Variants in MCTP2 observed in about 807,000 individuals in gnomAD.
MCTP2 encodes multiple C2 and transmembrane domain-containing protein 2.
Under a neutral mutation model 111.6 loss-of-function variants are expected in MCTP2, and 132 were observed. That is an observed-to-expected ratio of 1.18 (90% CI 1.03 to 1.37). The LOEUF (loss-of-function observed/expected upper bound fraction) is 1.37. Ranked by LOEUF, MCTP2 falls within the 40% of genes most tolerant of loss-of-function variation. The pLI, the probability that MCTP2 is intolerant of heterozygous loss-of-function variation, is 0.00. For missense variants in MCTP2, 1,183 were observed against 1,067.9 expected (o/e 1.11, Z -1.50); for synonymous variants, 395 against 387.7 (o/e 1.02, Z -0.22).
Position 94,483,495 on chromosome 15 carries a change from G to A in MCTP2, c.*4461G>A, listed in dbSNP as rs1596897800. 1 of 152,186 alleles carries A rather than the reference G, an allele frequency of 6.6e-6. No individual in the cohort carries two copies. Among genetic ancestry groups the A allele is most frequent in the African/African-American group, 2.4e-5 (1 of 41,448 alleles). 9.4% of individuals were successfully genotyped at this position (152,186 alleles called of 1,614,324 possible). A position where few individuals can be genotyped will look rare whatever the true frequency, so the allele number is the denominator to read the frequency against. On this transcript the variant is annotated 3_prime_UTR_variant, in exon 23 of 23. Coordinates refer to ENST00000357742, the MANE Select transcript of MCTP2 (RefSeq NM_001385001.1). ...TAGAATGGATAAAGAAAATGTGGTAGAGGTACACCATGGAATACTATGCAG... is the reference window on the plus strand; with the variant it reads ...TAGAATGGATAAAGAAAATGTGGTAAAGGTACACCATGGAATACTATGCAG...
intron 19 of MCTP2, among the ~76,000 whole-genome samples, chr15:94,452,251 C>T (rs543804394): frequency 6.6e-6 from 1 of 152,080 alleles, no homozygotes; most frequent in Non-Finnish European, 1.5e-5. Context: ...GAGAAAAGAC[C>T]CATAAAATCA....
chr15:94,315,710 A>C lies in MCTP2; in HGVS notation c.637+73A>C, dbSNP rs2076349703. The C allele has an allele frequency of 7.2e-6, 8 of 1,105,204 alleles. No individual in the cohort carries two copies. In the African/African-American group the frequency reaches 1.1e-4, roughly 15 times the overall value. 68.5% of individuals were successfully genotyped at this position (1,105,204 alleles called of 1,614,324 possible). On this transcript the variant is annotated intron_variant, in intron 4 of 22. Transcript: ENST00000357742. Reference sequence around the variant, plus strand: ...TCTCTGTCCTTGTATCAATATTGTCAGTCAGGCTTTGACATCACAGCATGG... The same window carrying C: ...TCTCTGTCCTTGTATCAATATTGTCCGTCAGGCTTTGACATCACAGCATGG...
chr15:94,314,736 A>G (rs1424440272), intron 3 of MCTP2: 1 of 463,724 alleles, frequency 2.2e-6, no homozygotes, highest in Admixed American at 2.3e-5. Context: ...GGACAGTCAA[A>G]AGTTTGAAAT....
intron 12 of MCTP2, among the ~76,000 whole-genome samples, chr15:94,371,062 G>A (rs2079457725): frequency 1.3e-5 from 2 of 151,638 alleles, no homozygotes; most frequent in South Asian, 4.2e-4. Context: ...TCAACCATTG[G>A]AAAAGAGAAC....
intron 5 of MCTP2, among the ~76,000 whole-genome samples, chr15:94,339,781 TACA>T (rs927877268): frequency 2.0e-5 from 3 of 152,212 alleles, no homozygotes; most frequent in African/African-American, 4.8e-5. Context: ...CATCAATTGC[TACA>T]ACATCTGGGT....
At chr15:94,335,777 T>G (rs1228389327) in intron 4 of MCTP2, among the ~76,000 whole-genome samples, 1 of 152,236 alleles carries the variant, frequency 6.6e-6, no homozygotes, top group Non-Finnish European at 1.5e-5. Context: ...AAACAGTTGA[T>G]CTACATTGCT....
At chr15:94,297,025 C>T (rs1014013162) in intron 1 of MCTP2, among the ~76,000 whole-genome samples, 1 of 152,168 alleles carries the variant, frequency 6.6e-6, no homozygotes, top group Non-Finnish European at 1.5e-5. Flanking sequence ...GGGTGGGGCA[C>T]AACAGCCAGG....
At chr15:94,429,989 C>A (rs910591796) in intron 17 of MCTP2, among the ~76,000 whole-genome samples, 4 of 152,208 alleles carry the variant, frequency 2.6e-5, no homozygotes, top group Non-Finnish European at 4.4e-5. Context: ...CTATTTGCAA[C>A]TCCTCTGTCC....
At chr15:94,340,324 C>G (rs1417452612) in intron 6 of MCTP2, 49 bp downstream of exon 6, 1 of 1,335,270 alleles carries the variant, frequency 7.5e-7, no homozygotes, top group Admixed American at 1.7e-5. Flanking sequence ...TTAGAGGGAA[C>G]TTACGATAAT....
intron 2 of MCTP2, among the ~76,000 whole-genome samples, chr15:94,302,641 T>G (rs1242334375): frequency 6.6e-6 from 1 of 152,190 alleles, no homozygotes; most frequent in South Asian, 2.1e-4. Flanking sequence ...TCGACTTGTT[T>G]TGACAGAATT....
chr15:94,312,554 A>G (rs1325969980), intron 2 of MCTP2, among the ~76,000 whole-genome samples: 1 of 152,210 alleles, frequency 6.6e-6, no homozygotes, highest in Non-Finnish European at 1.5e-5. Flanking sequence ...GGCCCTAGAA[A>G]AAGCTTGTGT....
chr15:94,318,661 A>G (rs1475953134), intron 4 of MCTP2, among the ~76,000 whole-genome samples: 1 of 152,010 alleles, frequency 6.6e-6, no homozygotes, highest in South Asian at 2.1e-4. Context: ...ATTTTTTTCT[A>G]GTTCTTTCTC....
intron 8 of MCTP2, among the ~76,000 whole-genome samples, chr15:94,353,752 G>C (rs2078445570): frequency 6.6e-6 from 1 of 152,146 alleles, no homozygotes; most frequent in Admixed American, 6.5e-5. Context: ...AAAGCAAAAG[G>C]AGGAATTGCA....
intron 14 of MCTP2, among the ~76,000 whole-genome samples, chr15:94,394,864 G>T (rs1049657033): frequency 6.6e-6 from 1 of 152,110 alleles, no homozygotes; most frequent in Non-Finnish European, 1.5e-5. Context: ...TATTGCTTTT[G>T]TAGGAGCAGC....
rs142617712 is a variant in MCTP2, at chr15:94,328,424, G to A, written c.638-10866G>A. 8.9e-3 allele frequency among the ~76,000 whole-genome samples: 1,356 copies of A among 152,222 alleles called. 28 individuals carry two copies. The highest frequency in any genetic ancestry group is 0.031 in the African/African-American group (1,292 of 41,538). On this transcript the variant is annotated intron_variant, in intron 4 of 22. Transcript: ENST00000357742. ...ATTCCAGGTGTGAGCCACCGCGCCC[G>A]GCCTATCAAGTGTTTATTTCTATAC...
intron 21 of MCTP2, among the ~76,000 whole-genome samples, chr15:94,472,161 C>G (rs1596851702): frequency 1.3e-5 from 2 of 152,122 alleles, no homozygotes; most frequent in South Asian, 4.1e-4. Context: ...GCAGATCACC[C>G]GAGGTCAGGA....
intron 4 of MCTP2, among the ~76,000 whole-genome samples, chr15:94,320,141 CTTTTTTTTTT>C (rs71135503): frequency 8.5e-6 from 1 of 117,968 alleles, no homozygotes; most frequent in South Asian, 2.7e-4. Context: ...GTTTATTAAT[CTTTTTTTTTT>C]TTTTTTTTTG....
At chr15:94,468,495 T>G (rs1353418646) in intron 20 of MCTP2, among the ~76,000 whole-genome samples, 8 of 152,086 alleles carry the variant, frequency 5.3e-5, no homozygotes, top group Non-Finnish European at 1.2e-4. Context: ...AAAAAAAGGT[T>G]AGAAATCATA....
intron 17 of MCTP2, among the ~76,000 whole-genome samples, chr15:94,430,392 A>AACACACACAC (rs2083109626): frequency 2.0e-5 from 1 of 50,386 alleles, no homozygotes; most frequent in African/African-American, 8.1e-5. Context: ...CCCAAAAACA[A>AACACACACAC]TCACACACAC....
Sources: gnomAD v4.1 joint callset for allele counts (sites outside exome capture counted in the v4.1 genomes callset) on GRCh38, gnomAD v4.1.1 for gene constraint, MANE v1.5 for transcripts, NCBI Gene and HGNC (gene_info 2026-07-23, HGNC 2026-07-21) for gene names.